Variants in AOPEP observed in about 807,000 individuals in gnomAD.
AOPEP encodes aminopeptidase O.
A neutral mutation model predicts 98.1 loss-of-function variants in AOPEP; 77 were observed. The ratio of observed to expected loss-of-function variants is 0.78; its 90% confidence interval spans 0.65 to 0.95. The LOEUF (loss-of-function observed/expected upper bound fraction) is 0.95. Ranked by LOEUF, AOPEP falls within the 40% of genes least tolerant of loss-of-function variation. AOPEP has a pLI of 0.00. For missense variants in AOPEP, 1,024 were observed against 1,024.7 expected (o/e 1.00, Z 0.01); for synonymous variants, 346 against 365.3 (o/e 0.95, Z 0.60).
At chr9:95,126,254 T>C in the AOPEP span, among the ~76,000 whole-genome samples, 17 of 152,356 alleles carry the variant, frequency 1.1e-4, 1 homozygote, top group Admixed American at 9.8e-4. Context: ...TATTTCATGA[T>C]ATTAATGCCT....
chr9:95,097,693 G>C, the AOPEP span, among the ~76,000 whole-genome samples: 2 of 152,214 alleles, frequency 1.3e-5, no homozygotes, highest in Admixed American at 1.3e-4. Context: ...TCCCTGCCCA[G>C]AACAGCAAGT....
intron 5 of AOPEP, among the ~76,000 whole-genome samples, chr9:94,815,513 C>G (rs1851514504): frequency 6.6e-6 from 1 of 152,160 alleles, no homozygotes; most frequent in Non-Finnish European, 1.5e-5. Flanking sequence ...CGCCGAGAAC[C>G]TCGGGCCCCT....
At chr9:95,109,598 T>C in the AOPEP span, 1 of 152,210 alleles carries the variant, frequency 6.6e-6, no homozygotes, top group South Asian at 2.1e-4. Flanking sequence ...GGCTTGCCCA[T>C]GAGTGGGACA....
Position 94,910,359 on chromosome 9 carries a change from A to C in AOPEP, c.1365-13627A>C, listed in dbSNP as rs2051836519. 3.3e-5 allele frequency among the ~76,000 whole-genome samples: 5 copies of C among 152,138 alleles called. No homozygotes were observed. The South Asian group carries it at 1.0e-3, about 32-fold the overall frequency. On this transcript the variant is annotated intron_variant, in intron 5 of 16. Coordinates refer to ENST00000375315, the MANE Select transcript of AOPEP (RefSeq NM_001193329.3). Reference sequence around the variant, plus strand: ...CACCTGTGGCAGACTGGTCATCTGAAACCTTGCTACCCGGGTAGGACCCCA... The same window carrying C: ...CACCTGTGGCAGACTGGTCATCTGACACCTTGCTACCCGGGTAGGACCCCA...
intron 5 of AOPEP, among the ~76,000 whole-genome samples, chr9:94,901,338 C>T (rs12338859): frequency 0.43 from 65,069 of 151,852 alleles, 14,442 homozygotes; most frequent in East Asian, 0.62. Context: ...TTCAATGTAG[C>T]GGCTTTAATC....
chr9:94,803,832 C>T (rs528544542), intron 5 of AOPEP, among the ~76,000 whole-genome samples: 1 of 152,286 alleles, frequency 6.6e-6, no homozygotes, highest in South Asian at 2.1e-4. Context: ...ACTAGTTTGC[C>T]TTTCAGATGC....
At chr9:95,108,188 A>T in the AOPEP span, among the ~76,000 whole-genome samples, 3 of 152,226 alleles carry the variant, frequency 2.0e-5, no homozygotes, top group African/African-American at 7.2e-5. Flanking sequence ...TCTGTCATAA[A>T]CTCCAGTACA....
At chr9:95,070,163 C>T (rs1197331432) in intron 14 of AOPEP, among the ~76,000 whole-genome samples, 2 of 152,234 alleles carry the variant, frequency 1.3e-5, no homozygotes, top group African/African-American at 4.8e-5. Context: ...CTGGGGCAGT[C>T]CCCCACTGGA....
At chr9:94,960,043 A>C (rs2058710300) in intron 9 of AOPEP, among the ~76,000 whole-genome samples, 1 of 152,236 alleles carries the variant, frequency 6.6e-6, no homozygotes, top group African/African-American at 2.4e-5. Flanking sequence ...AAAAGAATTA[A>C]GAGGTTGAAA....
rs558413142 is a variant in AOPEP at position 94,847,840 on chromosome 9, C to T, written c.1364+46838C>T. Among the ~76,000 whole-genome samples, 4 of 152,310 alleles carry T rather than the reference C, an allele frequency of 2.6e-5. No homozygotes were observed. The South Asian group carries it at 8.3e-4, about 32-fold the overall frequency. ...AGTCCAGGGCATTTCAGTCACTGCT[C>T]ATAGCACCCAGAAAATCAGTTGGTA... is the stretch of plus-strand genomic sequence containing the variant. On this transcript the variant is annotated intron_variant, in intron 5 of 16. Transcript: ENST00000375315.
chr9:95,123,743 C>T, the AOPEP span: 3 of 693,580 alleles, frequency 4.3e-6, no homozygotes, highest in Admixed American at 5.3e-5. Flanking sequence ...ACATTACTGT[C>T]TGAGTTGTGC....
intron 7 of AOPEP, among the ~76,000 whole-genome samples, chr9:94,949,467 G>A (rs935754877): frequency 2.0e-5 from 3 of 152,090 alleles, no homozygotes; most frequent in Non-Finnish European, 2.9e-5. Context: ...TTATTTTCCC[G>A]TGGCTCCTCA....
At chr9:94,976,476 G>C (rs1042604505) in intron 10 of AOPEP, among the ~76,000 whole-genome samples, 1 of 152,018 alleles carries the variant, frequency 6.6e-6, no homozygotes, top group African/African-American at 2.4e-5. Context: ...CAATTAAGTC[G>C]CTCCTCGGAC....
chr9:94,971,939 G>A (rs1404634336), intron 10 of AOPEP, among the ~76,000 whole-genome samples: 2 of 152,178 alleles, frequency 1.3e-5, no homozygotes, highest in African/African-American at 2.4e-5. Context: ...TACCTCTAAC[G>A]GGCTTAAGGA....
chr9:95,024,922 C>T (rs1257089629), intron 13 of AOPEP, among the ~76,000 whole-genome samples: 4 of 151,920 alleles, frequency 2.6e-5, no homozygotes, highest in African/African-American at 4.8e-5. Flanking sequence ...ACCTTTTTTT[C>T]CCCTTAGGCC....
At chr9:94,744,208 C>T (rs1833914446) in intron 1 of AOPEP, among the ~76,000 whole-genome samples, 1 of 151,618 alleles carries the variant, frequency 6.6e-6, no homozygotes, top group African/African-American at 2.4e-5. Context: ...CTGGCTCACA[C>T]AATGAAACTC....
At position 94,967,767 on chromosome 9, in the gene AOPEP, CA is replaced by C; in HGVS notation, c.1885del (p.Met629CysfsTer59). The C allele has an allele frequency of 6.2e-7, 1 of 1,613,152 alleles. No individual in the cohort carries two copies. The highest frequency in any genetic ancestry group is 8.5e-7 in the Non-Finnish European group (1 of 1,179,172). ...CTTTTTTTAATCCCAGGATTTCCTT[CA>C]AATGCTACTGGAGAACATTCCAGAA... Reference protein sequence around the residue: ...GQLILSQDFLQMLLENIPEEK... With the variant: ...GQLILSQDFLXMLLENIPEEK... On this transcript the variant is annotated frameshift_variant, in exon 10 of 17. Coordinates refer to ENST00000375315, the MANE Select transcript of AOPEP (RefSeq NM_001193329.3). LOFTEE classifies it high-confidence loss of function.
At chr9:95,134,262 GAGAA>G in the AOPEP span, among the ~76,000 whole-genome samples, 2 of 152,188 alleles carry the variant, frequency 1.3e-5, no homozygotes, top group South Asian at 2.1e-4. Context: ...CAACTAGAAA[GAGAA>G]AGAAAGAACA....
Position 95,026,673 on chromosome 9 carries a change from T to A in AOPEP, c.2115+21057T>A, listed in dbSNP as rs186380253. On this transcript the variant is annotated intron_variant, in intron 13 of 16. Transcript: ENST00000375315. ...GTACAGATGAGTTGTTAAATGAACA[T>A]ATGCTTTTACCTCTCTCCGATAGAT... Among the ~76,000 whole-genome samples the A allele has an allele frequency of 5.9e-4, 90 of 152,344 alleles. No individual in the cohort carries two copies. The East Asian group carries it at 0.013, about 21-fold the overall frequency.
Sources: gnomAD v4.1 joint callset for allele counts (sites outside exome capture counted in the v4.1 genomes callset) on GRCh38, gnomAD v4.1.1 for gene constraint, MANE v1.5 for transcripts, NCBI Gene and HGNC (gene_info 2026-07-23, HGNC 2026-07-21) for gene names.